Variants in KLK11 observed in about 807,000 individuals in gnomAD.
The protein encoded by KLK11 is kallikrein related peptidase 11, also known as kallikrein-11.
KLK11 carries 10 observed loss-of-function variants against 23.4 expected under a neutral mutation model. The observed-to-expected ratio is 0.43, with a 90% CI of 0.26 to 0.73. The LOEUF is 0.73. Ranked by LOEUF, KLK11 falls within the 30% of genes least tolerant of loss-of-function variation. KLK11 has a pLI of 0.22. For synonymous variants in KLK11, 131 were observed against 131.7 expected (o/e 0.99, Z 0.03); for missense variants, 285 against 327.8 (o/e 0.87, Z 1.01).
intron 5 of KLK11, 100 bp from the exon 6 acceptor site, chr19:51,022,797 G>A (rs1368596095): frequency 1.0e-5 from 13 of 1,304,746 alleles, no homozygotes; most frequent in Non-Finnish European, 1.3e-5. Flanking sequence ...GCCGAGACAG[G>A]ATGGGTAGGC....
In KLK11 at chr19:51,025,721, G is replaced by C. The variant is rs1157141359; in HGVS notation, c.-35-55C>G. ...TCACTTTACGGGGAAATCGGGAGGG[G>C]GGGGCTGGCTCATGCCCTCTCCTCT... On this transcript the variant is annotated intron_variant, in intron 1 of 5. Transcript: ENST00000453757. This position sits in a 1 kb window ranked among gnomAD's most constrained non-coding sequence, Gnocchi z 6.2. The C allele has an allele frequency of 7.1e-5, 50 of 707,080 alleles. No homozygotes were observed. Among genetic ancestry groups the C allele is most frequent in the South Asian group, 6.6e-4 (35 of 53,366 alleles). The allele number at this position is 707,080 out of a possible 1,614,324, so 43.8% of individuals were successfully genotyped here. A position where few individuals can be genotyped will look rare whatever the true frequency, so the allele number is the denominator to read the frequency against.
At chr19:51,027,039 T>C (rs2091496801), upstream of KLK11, 1 of 177,326 alleles carries the variant, frequency 5.6e-6, no homozygotes, top group Non-Finnish European at 1.2e-5. Flanking sequence ...CTCTAATTCC[T>C]TCTATCTTTG....
upstream of KLK11, chr19:51,027,834 G>A (rs1356671665): frequency 4.7e-5 from 16 of 343,294 alleles, no homozygotes; most frequent in Middle Eastern, 8.6e-4. Context: ...CTTGGAAAGA[G>A]CAGACTGCGG....
Position 51,025,641 on chromosome 19 carries a change from G to A in KLK11, c.-10C>T, listed in dbSNP as rs61750341. 53 of 1,587,492 alleles carry A rather than the reference G, an allele frequency of 3.3e-5. No homozygotes were observed. The highest frequency in any genetic ancestry group is 1.7e-4 in the Middle Eastern group (1 of 5,982). Reference sequence around the variant, plus strand: ...ACTGCAGAATCCTCATGGCCTGGAGGGGGGAGGAGCGGGCCCCAGGTTCCT... The same window carrying A: ...ACTGCAGAATCCTCATGGCCTGGAGAGGGGAGGAGCGGGCCCCAGGTTCCT... On this transcript the variant is annotated 5_prime_UTR_variant, in exon 2 of 6. Transcript: ENST00000453757. This position sits in a 1 kb window ranked among gnomAD's most constrained non-coding sequence, Gnocchi z 6.2.
rs768276652 is a variant in KLK11, at chr19:51,022,691, A to C, written c.607T>G (p.Ser203Ala). 1 of 1,612,912 alleles carries C rather than the reference A, an allele frequency of 6.2e-7. No individual in the cohort carries two copies. The highest frequency in any genetic ancestry group is 1.7e-5 in the Admixed American group (1 of 60,016). The part of the protein sequence containing the change: ...EGGKDSCQGD[S>A]GGPLVCNQSL... ...TGGTTACAGACCAGAGGGCCCCCGG[A>C]GTCACCCTGGGCACGGGGAGAGAGA... Residue 203 changes from serine to alanine, a missense_variant, in exon 6 of 6, where the codon TCC becomes GCC. Transcript: ENST00000453757.
chr19:51,024,595 T>TGCCC lies in KLK11; in HGVS notation c.197+42_197+43insGGGC. On this transcript the variant is annotated intron_variant, in intron 3 of 5. Transcript: ENST00000453757. The surrounding 1 kb of genome is among the most constrained non-coding windows in gnomAD (Gnocchi z 6.2). ...AGCTTCTCTCCATCCATCTCCCCAT[T>TGCCC]CCCAGCCCCCCACCCCGGCACCGCC... The TGCCC allele has an allele frequency of 1.4e-6, 2 of 1,457,602 alleles. No individual in the cohort carries two copies. Among genetic ancestry groups the TGCCC allele is most frequent in the Non-Finnish European group, 1.8e-6 (2 of 1,100,912 alleles). The allele number at this position is 1,457,602 out of a possible 1,614,324, so 90.3% of individuals were successfully genotyped here.
In KLK11 at chr19:51,024,796, TG is replaced by T; in HGVS notation, c.41-3del. ...TCCTGGTCTCTCCCCCTACAAGCCC[TG>T]GAGGGGGTGAGAGCAAAAGAAGGGG... On this transcript the variant is annotated splice_region_variant and splice_polypyrimidine_tract_variant and intron_variant, in intron 2 of 5. Transcript: ENST00000453757. This position sits in a 1 kb window ranked among gnomAD's most constrained non-coding sequence, Gnocchi z 6.2. 1 of 1,564,566 alleles carries T rather than the reference TG, an allele frequency of 6.4e-7. No homozygotes were observed. The highest frequency in any genetic ancestry group is 2.4e-5 in the East Asian group (1 of 41,966).
intron 1 of KLK11, 104 bp downstream of exon 1, chr19:51,026,434 G>A (rs1408806117): frequency 2.7e-6 from 1 of 371,788 alleles, no homozygotes; most frequent in African/African-American, 2.2e-5. Context: ...AAGCAGAGAA[G>A]GACAGAGCAG....
chr19:51,022,950 T>C (rs556156439), intron 5 of KLK11, 142 bp downstream of exon 5: 2 of 1,025,938 alleles, frequency 1.9e-6, no homozygotes, highest in South Asian at 1.6e-5. Flanking sequence ...TGTGCTGAGG[T>C]CAGAAACGGG....
rs1253688143 is a variant in KLK11, at chr19:51,025,867, G to A, written c.-35-201C>T. On this transcript the variant is annotated intron_variant, in intron 1 of 5. Transcript: ENST00000453757. The surrounding 1 kb of genome is among the most constrained non-coding windows in gnomAD (Gnocchi z 6.2). ...ATCTTAGGTGTCTAGGGTGGCCTTG[G>A]AGAGGGCCTGGTCACAGCTAGAAGC... 4.6e-6 allele frequency: 2 copies of A among 432,592 alleles called. No individual in the cohort carries two copies. Among genetic ancestry groups the A allele is most frequent in the Non-Finnish European group, 8.2e-6 (2 of 243,556 alleles). 26.8% of individuals were successfully genotyped at this position (432,592 alleles called of 1,614,324 possible). A position where few individuals can be genotyped will look rare whatever the true frequency, so the allele number is the denominator to read the frequency against.
At position 51,025,481 on chromosome 19, in the gene KLK11, T is replaced by G. The variant is rs1600155267; in HGVS notation, c.40+111A>C. The G allele has an allele frequency of 3.1e-6, 2 of 642,832 alleles. No homozygotes were observed. The highest frequency in any genetic ancestry group is 2.5e-6 in the Non-Finnish European group (1 of 393,314). 39.8% of individuals were successfully genotyped at this position (642,832 alleles called of 1,614,324 possible). On this transcript the variant is annotated intron_variant, in intron 2 of 5. Coordinates refer to ENST00000453757, the MANE Select transcript of KLK11 (RefSeq NM_001136032.3). The surrounding 1 kb of genome is among the most constrained non-coding windows in gnomAD (Gnocchi z 6.2). ...CCACTGCTCCAGTTCAGGTGCCTTA[T>G]GGGTTGTTCTGTAATTTGGAATCAG... is the stretch of plus-strand genomic sequence containing the variant.
intron 5 of KLK11, 92 bp from the exon 6 acceptor site, chr19:51,022,789 C>G (rs566955381): frequency 5.0e-6 from 7 of 1,399,544 alleles, no homozygotes; most frequent in Non-Finnish European, 7.0e-6. Flanking sequence ...GGAGTGGGGC[C>G]GAGACAGGAT....
Position 51,025,553 on chromosome 19 carries a change from A to C in KLK11, c.40+39T>G. On this transcript the variant is annotated intron_variant, in intron 2 of 5. Coordinates refer to ENST00000453757, the MANE Select transcript of KLK11 (RefSeq NM_001136032.3). This position sits in a 1 kb window ranked among gnomAD's most constrained non-coding sequence, Gnocchi z 6.2. ...GAGGGTTAGGGGATCCCAGAGATTC[A>C]AGAGGGAGGATCCTGCCCTGCCCCC... 7.2e-7 allele frequency: 1 copy of C among 1,386,958 alleles called. No individual in the cohort carries two copies. Among genetic ancestry groups the C allele is most frequent in the Non-Finnish European group, 9.9e-7 (1 of 1,014,926 alleles). 85.9% of individuals were successfully genotyped at this position (1,386,958 alleles called of 1,614,324 possible).
rs2091463308 is a variant in KLK11, at chr19:51,025,171, T to A, written c.41-377A>T. ...GTCCCAGCTACCGGGGAAGCTGAGA[T>A]GGCTTAAGGATCACTTAAGCCCGGG... On this transcript the variant is annotated intron_variant, in intron 2 of 5. Transcript: ENST00000453757. The surrounding 1 kb of genome is among the most constrained non-coding windows in gnomAD (Gnocchi z 6.2). 6.6e-6 allele frequency among the ~76,000 whole-genome samples: 1 copy of A among 151,658 alleles called. No homozygotes were observed. Among genetic ancestry groups the A allele is most frequent in the African/African-American group, 2.4e-5 (1 of 41,256 alleles).
At position 51,025,526 on chromosome 19, in the gene KLK11, C is replaced by G; in HGVS notation, c.40+66G>C. The G allele has an allele frequency of 8.9e-7, 1 of 1,126,014 alleles. No individual in the cohort carries two copies. The highest frequency in any genetic ancestry group is 1.6e-5 in the South Asian group (1 of 62,270). The allele number at this position is 1,126,014 out of a possible 1,614,324, so 69.8% of individuals were successfully genotyped here. On this transcript the variant is annotated intron_variant, in intron 2 of 5. Transcript: ENST00000453757. This position sits in a 1 kb window ranked among gnomAD's most constrained non-coding sequence, Gnocchi z 6.2. ...AATCAGCCCTGTCACTGTCCAGACA[C>G]AGAGGGTTAGGGGATCCCAGAGATT...
At chr19:51,022,963 CA>C (rs1398996457) in intron 5 of KLK11, 128 bp downstream of exon 5, 7 of 1,086,238 alleles carry the variant, frequency 6.4e-6, no homozygotes, top group Non-Finnish European at 9.4e-6. Flanking sequence ...GAAACGGGAA[CA>C]GGGGAAGAGA....
At chr19:51,023,046 T>C (rs779988341) in intron 5 of KLK11, 46 bp downstream of exon 5, 11 of 1,556,792 alleles carry the variant, frequency 7.1e-6, no homozygotes, top group Non-Finnish European at 2.6e-6. Flanking sequence ...AAGATGTCAT[T>C]GAAGCTGGGG....
upstream of KLK11, chr19:51,027,579 TC>T: frequency 1.2e-6 from 2 of 1,600,858 alleles, no homozygotes; most frequent in Non-Finnish European, 1.7e-6. Context: ...TTAGGTCCCT[TC>T]CCTTGGCTTT....
chr19:51,024,212 T>G lies in KLK11; in HGVS notation c.296A>C (p.Asn99Thr). The G allele has an allele frequency of 6.2e-7, 1 of 1,614,064 alleles. No homozygotes were observed. Among genetic ancestry groups the G allele is most frequent in the Non-Finnish European group, 8.5e-7 (1 of 1,179,996 alleles). Residue 99 changes from asparagine to threonine, a missense_variant, in exon 4 of 6, where the codon AAC (asparagine) becomes ACC (threonine). Coordinates refer to ENST00000453757, the MANE Select transcript of KLK11 (RefSeq NM_001136032.3). The surrounding 1 kb of genome is among the most constrained non-coding windows in gnomAD (Gnocchi z 6.2). ...GTGGTCTTTGTTGGGGAGGCTGTTG[T>G]TGAAGCCGGGGTGGGGGAAGGACTC... ...ATESFPHPGF[N>T]NSLPNKDHRN...
Sources: gnomAD v4.1 joint callset for allele counts (sites outside exome capture counted in the v4.1 genomes callset) on GRCh38, gnomAD v4.1.1 for gene constraint, Gnocchi (gnomAD v3.1) non-coding constraint, MANE v1.5 for transcripts, NCBI Gene and HGNC (gene_info 2026-07-23, HGNC 2026-07-21) for gene names.